The following FARS2 variants were observed in gnomAD, a reference collection of about 807,000 sequenced individuals.
FARS2 encodes phenylalanine--tRNA ligase, mitochondrial.
In FARS2, 40 loss-of-function variants were observed where a neutral mutation model predicts 46.4. The ratio of observed to expected loss-of-function variants is 0.86; its 90% CI spans 0.67 to 1.12. The LOEUF is 1.12. FARS2 is among the 50% of genes most tolerant of loss of function. FARS2 has a pLI of 0.00. For synonymous variants in FARS2, 234 were observed against 214.9 expected (o/e 1.09, Z -0.78); for missense variants, 513 against 567.9 (o/e 0.90, Z 0.98).
chr6:5,358,305 A>G (rs1040537487), intron 1 of FARS2, among the ~76,000 whole-genome samples: 2 of 151,992 alleles, frequency 1.3e-5, no homozygotes, highest in African/African-American at 2.4e-5. Context: ...TGTTATATAT[A>G]TATGTACATA....
At chr6:5,501,626 C>G (rs1357887732) in intron 4 of FARS2, among the ~76,000 whole-genome samples, 2 of 152,088 alleles carry the variant, frequency 1.3e-5, no homozygotes, top group East Asian at 3.9e-4. Context: ...TCCTGAGTAG[C>G]TGGGACTACA....
chr6:5,422,378 C>CTCT (rs1554183318), intron 3 of FARS2, among the ~76,000 whole-genome samples: 1 of 149,410 alleles, frequency 6.7e-6, no homozygotes, highest in African/African-American at 2.5e-5. Flanking sequence ...CTCTCTCTCT[C>CTCT]TTTTTTTTTT....
intron 2 of FARS2, among the ~76,000 whole-genome samples, chr6:5,374,531 A>G (rs942561456): frequency 6.6e-6 from 1 of 152,148 alleles, no homozygotes; most frequent in East Asian, 1.9e-4. Context: ...GTTTTTACCA[A>G]ATCATGAATT....
chr6:5,520,127 G>A (rs1317481847), intron 4 of FARS2, among the ~76,000 whole-genome samples: 1 of 152,156 alleles, frequency 6.6e-6, no homozygotes, highest in Non-Finnish European at 1.5e-5. Flanking sequence ...CCGCACCCTA[G>A]GGTGAGCAAA....
intron 1 of FARS2, among the ~76,000 whole-genome samples, chr6:5,269,254 C>T (rs1041515807): frequency 2.2e-4 from 33 of 151,704 alleles, no homozygotes; most frequent in African/African-American, 6.1e-4. Context: ...AACCAAACAC[C>T]GCATGTTCTC....
chr6:5,492,047 C>T (rs544525262), intron 4 of FARS2, among the ~76,000 whole-genome samples: 7 of 152,236 alleles, frequency 4.6e-5, no homozygotes, highest in East Asian at 3.9e-4. Flanking sequence ...AAAGAACTAC[C>T]GTTATCTAGG....
At chr6:5,543,991 G>A (rs1423428710) in intron 4 of FARS2, among the ~76,000 whole-genome samples, 2 of 151,774 alleles carry the variant, frequency 1.3e-5, no homozygotes, top group Non-Finnish European at 2.9e-5. Context: ...TGGATTGATA[G>A]GGTCCCCTGA....
At chr6:5,679,006 C>G (rs1582741323) in intron 6 of FARS2, among the ~76,000 whole-genome samples, 1 of 152,176 alleles carries the variant, frequency 6.6e-6, no homozygotes. Context: ...AAGTGGTGCC[C>G]CTTGGATCAG....
intron 6 of FARS2, among the ~76,000 whole-genome samples, chr6:5,628,523 C>T (rs965996774): frequency 6.6e-6 from 1 of 152,214 alleles, no homozygotes; most frequent in Non-Finnish European, 1.5e-5. Flanking sequence ...GCCCCGTGGA[C>T]AGATCTGAAG....
At chr6:5,693,067 C>G (rs1757864082) in intron 6 of FARS2, among the ~76,000 whole-genome samples, 1 of 152,108 alleles carries the variant, frequency 6.6e-6, no homozygotes, top group African/African-American at 2.4e-5. Context: ...TTTTGCAAAA[C>G]AAATATTAAC....
At chr6:5,388,734 G>A (rs2503810) in intron 2 of FARS2, among the ~76,000 whole-genome samples, 11 of 151,786 alleles carry the variant, frequency 7.2e-5, no homozygotes, top group Non-Finnish European at 1.6e-4. Context: ...AAGGAAGAGA[G>A]CATTTGTATC....
intron 4 of FARS2, among the ~76,000 whole-genome samples, chr6:5,480,285 T>G (rs1454127945): frequency 6.6e-6 from 1 of 152,212 alleles, no homozygotes; most frequent in East Asian, 1.9e-4. Flanking sequence ...TTTAAAAAAT[T>G]AATTGCACAA....
At chr6:5,739,201 A>G (rs973986281) in intron 6 of FARS2, among the ~76,000 whole-genome samples, 1 of 152,166 alleles carries the variant, frequency 6.6e-6, no homozygotes, top group African/African-American at 2.4e-5. Flanking sequence ...TGTATCAAAA[A>G]ATGAAGAATC....
At chr6:5,509,337 G>A (rs368425180) in intron 4 of FARS2, among the ~76,000 whole-genome samples, 2 of 152,212 alleles carry the variant, frequency 1.3e-5, no homozygotes, top group African/African-American at 4.8e-5. Flanking sequence ...ATAAGAGAAA[G>A]GGAACAAGTT....
chr6:5,351,724 A>G (rs1757588215), intron 1 of FARS2, among the ~76,000 whole-genome samples: 1 of 152,242 alleles, frequency 6.6e-6, no homozygotes, highest in Non-Finnish European at 1.5e-5. Context: ...TACAAAATAA[A>G]GATGATATCA....
rs540876540 is a variant in FARS2 at position 5,371,989 on chromosome 6, A to G, written c.612+2807A>G. The stretch of plus-strand genomic sequence containing the variant: ...GGCAGGAAAAAGAGATATCAAGCAA[A>G]TAATTATCAAAAGAAAGTTGGTACA... On this transcript the variant is annotated intron_variant, in intron 2 of 6. Coordinates refer to ENST00000274680, the MANE Select transcript of FARS2 (RefSeq NM_006567.5). 3.9e-5 allele frequency among the ~76,000 whole-genome samples: 6 copies of G among 152,238 alleles called. No individual in the cohort carries two copies. In the East Asian group the frequency reaches 1.2e-3, roughly 29 times the overall value.
chr6:5,608,584 T>A (rs1451153253), intron 5 of FARS2, among the ~76,000 whole-genome samples: 3 of 151,404 alleles, frequency 2.0e-5, no homozygotes, highest in Non-Finnish European at 4.4e-5. Flanking sequence ...CATTTCCATC[T>A]ATAATTTTAT....
chr6:5,698,298 C>A (rs960023850), intron 6 of FARS2, among the ~76,000 whole-genome samples: 4 of 152,240 alleles, frequency 2.6e-5, no homozygotes, highest in South Asian at 2.1e-4. Context: ...GGCCGAGGGG[C>A]TGCAGGCACG....
intron 5 of FARS2, among the ~76,000 whole-genome samples, chr6:5,555,933 A>G (rs892879471): frequency 2.0e-5 from 3 of 152,176 alleles, no homozygotes; most frequent in South Asian, 2.1e-4. Context: ...TGGAATAATT[A>G]TAGTGCTTAT....
Sources: allele counts gnomAD v4.1 joint callset (sites outside exome capture counted in the v4.1 genomes callset), GRCh38; gene constraint gnomAD v4.1.1; transcripts MANE v1.5; gene names NCBI Gene and HGNC (gene_info 2026-07-23, HGNC 2026-07-21).